PLS3: variants seen among roughly 807,000 people sequenced by gnomAD.
PLS3 encodes plastin-3.
A neutral mutation model predicts 46.5 loss-of-function variants in PLS3; 11 were observed. The observed-to-expected ratio is 0.24, with a 90% CI of 0.15 to 0.39. PLS3 has a LOEUF of 0.39. Among genes scored for constraint, PLS3 ranks in the 10% least tolerant of loss-of-function variants. The pLI is 1.00. For missense variants in PLS3, 308 were observed against 461.8 expected, an observed-to-expected ratio of 0.67 and a Z score of 3.05; for synonymous variants, 167 against 162.2, an observed-to-expected ratio of 1.03 and a Z score of -0.22.
chrX:115,622,260 G>A lies in PLS3; in HGVS notation c.88G>A (p.Gly30Arg). 8.4e-7 allele frequency: 1 copy of A among 1,196,018 alleles called. No individual in the cohort carries two copies. The highest frequency in any genetic ancestry group is 1.1e-6 in the Non-Finnish European group (1 of 888,274). ...TTTTTACAAAGATCTCAACAGCAAC[G>A]GATTCATTTGTGACTATGAACTTCA... Reference protein sequence around the residue: ...AFAKVDLNSNGFICDYELHEL... With the variant: ...AFAKVDLNSNRFICDYELHEL... Residue 30 changes from glycine (G) to arginine (R), a missense_variant, in exon 3 of 16, where the codon GGA (glycine) becomes AGA (arginine). Gly to Arg is a moderately radical substitution (Grantham distance 125, BLOSUM62 -2). This residue lies in a region of PLS3 where 37 missense variants were observed against 26.1 expected (regional missense o/e 1.42). Coordinates refer to ENST00000355899, the MANE Select transcript of PLS3 (RefSeq NM_005032.7).
At chrX:115,619,947 T>C (rs984886726) in intron 2 of PLS3, among the ~76,000 whole-genome samples, 1 of 112,787 alleles carries the variant, frequency 8.9e-6, no homozygotes, top group Admixed American at 9.4e-5. Flanking sequence ...TAAGAAAATT[T>C]AATACTTAAA....
At chrX:115,648,986 A>T (rs2074978816) in intron 15 of PLS3, among the ~76,000 whole-genome samples, 1 of 110,864 alleles carries the variant, frequency 9.0e-6, no homozygotes. Context: ...CTCCCCTCTC[A>T]TGAATACTTG....
At chrX:115,582,946 A>T (rs1024213014) in intron 1 of PLS3, among the ~76,000 whole-genome samples, 2 of 111,776 alleles carry the variant, frequency 1.8e-5, no homozygotes, top group African/African-American at 6.5e-5. Context: ...GGCCGAGGTG[A>T]TAGGATCACC....
chrX:115,647,917 G>A lies in PLS3; in HGVS notation c.1660G>A (p.Ala554Thr). 1 of 1,203,733 alleles carries A rather than the reference G, an allele frequency of 8.3e-7. No individual in the cohort carries two copies. The highest frequency in any genetic ancestry group is 1.1e-6 in the Non-Finnish European group (1 of 888,304). ...FKDKTISSSL[A>T]VVDLIDAIQP... ...GGACAAGACGATCAGCTCCAGTTTG[G>A]CAGTTGTGGATTTAATTGATGCCAT... Residue 554 changes from alanine to threonine, a missense_variant, in exon 15 of 16, where the codon GCA becomes ACA. Transcript: ENST00000355899.
chrX:115,574,524 A>G (rs2074236249), intron 1 of PLS3, among the ~76,000 whole-genome samples: 1 of 112,037 alleles, frequency 8.9e-6, no homozygotes, highest in Admixed American at 9.5e-5. Context: ...TCAAAGAAGA[A>G]ATTGGGACAT....
chrX:115,586,441 C>T (rs1217323150), intron 1 of PLS3, among the ~76,000 whole-genome samples: 2 of 101,567 alleles, frequency 2.0e-5, no homozygotes, highest in Non-Finnish European at 4.0e-5. Flanking sequence ...GAGGCTGAGG[C>T]GGACAGGTCA....
intron 1 of PLS3, among the ~76,000 whole-genome samples, chrX:115,589,183 G>C (rs1603225082): frequency 9.1e-6 from 1 of 110,206 alleles, no homozygotes; most frequent in African/African-American, 3.3e-5. Context: ...TGTTGCCCAC[G>C]CTGCTCTCGA....
Position 115,649,635 on chromosome X carries a change from C to T in PLS3, c.*74C>T. The T allele has an allele frequency of 1.0e-6, 1 of 982,213 alleles. No homozygotes were observed. Among genetic ancestry groups the T allele is most frequent in the Admixed American group, 2.5e-5 (1 of 40,456 alleles). 80.9% of individuals were successfully genotyped at this position (982,213 alleles called of 1,213,427 possible). ...AGGTCAGCTATTTCCAGGTGAAGTG[C>T]TTATGGCTTAAGGAACTCTTGGCCA... On this transcript the variant is annotated 3_prime_UTR_variant, in exon 16 of 16. Transcript: ENST00000355899.
intron 2 of PLS3, chrX:115,614,167 C>CA (rs1416923887): frequency 7.0e-6 from 1 of 142,245 alleles, no homozygotes; most frequent in African/African-American, 3.3e-5. Context: ...GACGGAGTTT[C>CA]ACCGTGTTAG....
chrX:115,614,475 C>T, intron 2 of PLS3: 1 of 747,904 alleles, frequency 1.3e-6, no homozygotes, highest in Non-Finnish European at 1.6e-6. Flanking sequence ...CTCCAGTCTA[C>T]CCTTAGCTGG....
At chrX:115,603,080 T>A (rs1556634834) in intron 1 of PLS3, among the ~76,000 whole-genome samples, 1 of 111,092 alleles carries the variant, frequency 9.0e-6, no homozygotes, top group African/African-American at 3.3e-5. Flanking sequence ...TGAATAATAG[T>A]TTCAGGTAGT....
chrX:115,632,979 G>A (rs2147545831), intron 5 of PLS3, among the ~76,000 whole-genome samples: 1 of 110,273 alleles, frequency 9.1e-6, no homozygotes, highest in South Asian at 3.9e-4. Flanking sequence ...CAAGCAATCT[G>A]CCTGCCTTGG....
At chrX:115,628,370 C>T (rs1371776405) in intron 3 of PLS3, among the ~76,000 whole-genome samples, 2 of 112,280 alleles carry the variant, frequency 1.8e-5, no homozygotes, top group African/African-American at 6.5e-5. Flanking sequence ...GAATTCTAAA[C>T]GCCATTTAAA....
chrX:115,571,989 C>A (rs377650830), intron 1 of PLS3, among the ~76,000 whole-genome samples: 4 of 112,240 alleles, frequency 3.6e-5, no homozygotes, highest in Non-Finnish European at 5.6e-5. Flanking sequence ...ACAGTTGAAT[C>A]ATTTTTACAA....
At chrX:115,643,075 C>CA (rs1321697452) in intron 9 of PLS3, among the ~76,000 whole-genome samples, 2 of 111,523 alleles carry the variant, frequency 1.8e-5, no homozygotes, top group Non-Finnish European at 3.8e-5. Flanking sequence ...TTTCTTAATG[C>CA]AATTTAGTTA....
At chrX:115,612,817 G>GTT (rs1176365851) in intron 2 of PLS3, among the ~76,000 whole-genome samples, 5 of 111,784 alleles carry the variant, frequency 4.5e-5, no homozygotes, top group Admixed American at 2.9e-4. Flanking sequence ...CACCTGCTTA[G>GTT]TTTTAAGCTC....
At chrX:115,579,379 A>T (rs782650123) in intron 1 of PLS3, among the ~76,000 whole-genome samples, 24 of 112,242 alleles carry the variant, frequency 2.1e-4, no homozygotes, top group African/African-American at 7.4e-4. Flanking sequence ...TACAGGTGTT[A>T]GTGTGAACTT....
chrX:115,648,636 C>A (rs1267029897), intron 15 of PLS3, among the ~76,000 whole-genome samples: 1 of 111,308 alleles, frequency 9.0e-6, no homozygotes, highest in African/African-American at 3.3e-5. Flanking sequence ...ATTGAAAATC[C>A]ATCCACAGTC....
chrX:115,614,391 C>T (rs191242731), intron 2 of PLS3: 25 of 751,266 alleles, frequency 3.3e-5, no homozygotes, highest in Admixed American at 8.8e-5. Context: ...ACCCTCTAAA[C>T]TTGTCCAGCC....
Sources: gnomAD v4.1 joint callset for allele counts (sites outside exome capture counted in the v4.1 genomes callset) on GRCh38, gnomAD v4.1.1 for gene constraint, gnomAD v4.1.1 regional missense constraint, MANE v1.5 for transcripts, NCBI Gene and HGNC (gene_info 2026-07-23, HGNC 2026-07-21) for gene names.